The following ART3 variants were observed in gnomAD, a reference collection of about 807,000 sequenced individuals.
ART3 encodes ADP-ribosyltransferase 3 (inactive), also known as ecto-ADP-ribosyltransferase 3.
Under a neutral mutation model 48.5 loss-of-function variants are expected in ART3, and 49 were observed. The ratio of observed to expected loss-of-function variants is 1.01; its 90% CI spans 0.80 to 1.28. The LOEUF (loss-of-function observed/expected upper bound fraction) is 1.28, where lower values mean the gene tolerates loss of function less well. Ranked by LOEUF, ART3 falls within the 50% of genes most tolerant of loss-of-function variation. ART3 has a pLI of 0.00. For missense variants in ART3, 438 were observed against 454.3 expected (o/e 0.96, Z 0.33); for synonymous variants, 145 against 157.2 (o/e 0.92, Z 0.58).
intron 5 of ART3, chr4:76,099,531 G>T (rs2149668444): frequency 6.0e-6 from 1 of 165,940 alleles, no homozygotes. Flanking sequence ...CGGGTGGTGA[G>T]AATGAAGAGC....
chr4:76,087,744 C>T (rs1560633321), intron 3 of ART3, among the ~76,000 whole-genome samples: 1 of 152,190 alleles, frequency 6.6e-6, no homozygotes. Context: ...TAATATAGTT[C>T]CTGGTGGTCA....
intron 1 of ART3, among the ~76,000 whole-genome samples, chr4:76,011,743 C>T (rs1313226858): frequency 6.6e-6 from 1 of 152,214 alleles, no homozygotes; most frequent in Non-Finnish European, 1.5e-5. Context: ...TAGGGTAGGG[C>T]CCCGCCCCTC....
At chr4:76,088,851 G>A (rs1724196546) in intron 3 of ART3, among the ~76,000 whole-genome samples, 1 of 152,104 alleles carries the variant, frequency 6.6e-6, no homozygotes, top group Non-Finnish European at 1.5e-5. Context: ...ATATTTGTCA[G>A]ACACTGGGTG....
chr4:76,082,746 A>G (rs1722748362), intron 3 of ART3, among the ~76,000 whole-genome samples: 1 of 152,182 alleles, frequency 6.6e-6, no homozygotes, highest in African/African-American at 2.4e-5. Context: ...TTAGCACTAT[A>G]AGGCAGTGGT....
chr4:76,066,714 A>T (rs2149492192), intron 1 of ART3, among the ~76,000 whole-genome samples: 1 of 152,228 alleles, frequency 6.6e-6, no homozygotes, highest in African/African-American at 2.4e-5. Flanking sequence ...CACTCCAGTC[A>T]GTGGAACTGG....
chr4:76,047,022 A>T (rs888503739), intron 1 of ART3, among the ~76,000 whole-genome samples: 5 of 151,958 alleles, frequency 3.3e-5, no homozygotes, highest in African/African-American at 4.8e-5. Context: ...GGGCACCCTC[A>T]GTCCTGTTGT....
intron 1 of ART3, among the ~76,000 whole-genome samples, chr4:76,055,024 T>C (rs554271803): frequency 1.9e-4 from 29 of 152,334 alleles, no homozygotes; most frequent in African/African-American, 6.0e-4. Flanking sequence ...AGTCTCCTGC[T>C]TTGGCCTCCC....
intron 1 of ART3, among the ~76,000 whole-genome samples, chr4:76,013,427 T>TTA (rs200627673): frequency 6.6e-6 from 1 of 151,892 alleles, no homozygotes; most frequent in African/African-American, 2.4e-5. Context: ...AACATGAGAT[T>TTA]TATATATACA....
chr4:76,063,634 C>A (rs986739231), intron 1 of ART3, among the ~76,000 whole-genome samples: 2 of 152,032 alleles, frequency 1.3e-5, no homozygotes, highest in African/African-American at 4.8e-5. Flanking sequence ...GAGAATTTCC[C>A]AATAGGTATT....
At chr4:76,066,919 G>A (rs758453522) in intron 1 of ART3, among the ~76,000 whole-genome samples, 3 of 152,164 alleles carry the variant, frequency 2.0e-5, no homozygotes, top group Non-Finnish European at 4.4e-5. Flanking sequence ...TTAAGCTTGT[G>A]AGGGCAGGGG....
intron 11 of ART3, among the ~76,000 whole-genome samples, chr4:76,110,606 C>T (rs1421743480): frequency 6.6e-6 from 1 of 152,008 alleles, no homozygotes; most frequent in Admixed American, 6.6e-5. Flanking sequence ...AGAACTTGAA[C>T]AACAGAAAAT....
chr4:76,034,894 A>G, intron 1 of ART3: 1 of 1,407,466 alleles, frequency 7.1e-7, no homozygotes, highest in South Asian at 1.2e-5. Context: ...ATGTAGTAAG[A>G]AGGGGAAGCT....
chr4:76,047,458 T>TGGGGGTATA (rs1735618803), intron 1 of ART3, among the ~76,000 whole-genome samples: 2 of 151,970 alleles, frequency 1.3e-5, no homozygotes, highest in South Asian at 4.2e-4. Flanking sequence ...CCCCGAGTGA[T>TGGGGGTATA]TCAGGTGACA....
intron 2 of ART3, among the ~76,000 whole-genome samples, chr4:76,079,879 C>G (rs1007823114): frequency 5.3e-5 from 8 of 151,202 alleles, no homozygotes; most frequent in African/African-American, 1.5e-4. Flanking sequence ...CTCTGTCTCT[C>G]TCTCTCTGTC....
At chr4:76,051,777 A>G (rs564020976) in intron 1 of ART3, among the ~76,000 whole-genome samples, 212 of 152,072 alleles carry the variant, frequency 1.4e-3, no homozygotes, top group African/African-American at 5.0e-3. Context: ...CCTGTGCCCA[A>G]GTGGTCTTCC....
rs992998247 is a variant in ART3 at position 76,082,330 on chromosome 4, G to A, written c.576G>A (p.Gln192=). 8 of 1,614,006 alleles carry A rather than the reference G, an allele frequency of 5.0e-6. No homozygotes were observed. The highest frequency in any genetic ancestry group is 1.3e-5 in the African/African-American group (1 of 74,916). Residue 192 remains glutamine (Q), a synonymous_variant, in exon 3 of 12, where the codon CAG becomes CAA. Transcript: ENST00000355810. ...HFTLAYSAKP[Q]AANDQLTVLS... is the part of the protein sequence containing the mutation. Reference sequence around the variant, plus strand: ...CCTTGGCATATTCAGCCAAACCTCAGGCTGCTAATGACCAGCTCACTGTGT... The same window carrying A: ...CCTTGGCATATTCAGCCAAACCTCAAGCTGCTAATGACCAGCTCACTGTGT...
intron 1 of ART3, among the ~76,000 whole-genome samples, chr4:76,068,529 G>C (rs1719965536): frequency 6.6e-6 from 1 of 152,150 alleles, no homozygotes; most frequent in African/African-American, 2.4e-5. Flanking sequence ...TGCGGGAACA[G>C]AAAACCAAAT....
intron 4 of ART3, among the ~76,000 whole-genome samples, chr4:76,098,200 CAAA>C (rs35470242): frequency 1.5e-4 from 19 of 128,008 alleles, no homozygotes; most frequent in African/African-American, 2.9e-4. Context: ...AGGATGTGAC[CAAA>C]AAAAAAAAAA....
In ART3 at chr4:76,112,739, C is replaced by T. The variant is rs1729715276; in HGVS notation, c.*220C>T. On this transcript the variant is annotated 3_prime_UTR_variant, in exon 12 of 12. Coordinates refer to ENST00000355810, the MANE Select transcript of ART3 (RefSeq NM_001130016.3). Reference sequence around the variant, plus strand: ...CTACTCTTACAATGGAAAAAAATCCCGAAAACTGTATACTTCTGATTAAAT... The same window carrying T: ...CTACTCTTACAATGGAAAAAAATCCTGAAAACTGTATACTTCTGATTAAAT... 1.7e-5 allele frequency: 7 copies of T among 413,232 alleles called. No individual in the cohort carries two copies. The highest frequency in any genetic ancestry group is 8.5e-5 in the Admixed American group (2 of 23,484). 25.6% of individuals were successfully genotyped at this position (413,232 alleles called of 1,614,324 possible).
Sources: allele counts gnomAD v4.1 joint callset (sites outside exome capture counted in the v4.1 genomes callset), GRCh38; gene constraint gnomAD v4.1.1; transcripts MANE v1.5; gene names NCBI Gene and HGNC (gene_info 2026-07-23, HGNC 2026-07-21).